Variants in OTOP2 observed in about 807,000 individuals in gnomAD.
OTOP2 encodes proton channel OTOP2.
Under a neutral mutation model 47.4 loss-of-function variants are expected in OTOP2, and 41 were observed. That is an observed-to-expected ratio of 0.87 (90% CI 0.67 to 1.12). The LOEUF (loss-of-function observed/expected upper bound fraction) is 1.12. Ranked by LOEUF, OTOP2 falls within the 50% of genes most tolerant of loss-of-function variation. The probability of loss-of-function intolerance (pLI) is 0.00; values close to 1 mark genes in which losing one functional copy is unlikely to be tolerated. For missense variants in OTOP2, 721 were observed against 752.2 expected, an observed-to-expected ratio of 0.96 and a Z score of 0.49; for synonymous variants, 328 against 319.6, an observed-to-expected ratio of 1.03 and a Z score of -0.28.
In OTOP2 at chr17:74,933,480, C is replaced by T. The variant is rs867883677; in HGVS notation, c.1624C>T (p.Pro542Ser). 1 of 1,614,174 alleles carries T rather than the reference C, an allele frequency of 6.2e-7. No homozygotes were observed. The highest frequency in any genetic ancestry group is 8.5e-7 in the Non-Finnish European group (1 of 1,180,006). ...LWAVIVNICL[P>S]FGIFYRMHAV... ...GGCGGTCATCGTCAACATCTGCCTC[C>T]CTTTCGGCATCTTCTACCGCATGCA... Residue 542 changes from proline (P) to serine (S), a missense_variant, in exon 7 of 7, where the codon CCT becomes TCT. Transcript: ENST00000331427. The surrounding 1 kb of genome is among the most constrained non-coding windows in gnomAD (Gnocchi z 4.7).
chr17:74,925,506 C>A, intron 2 of OTOP2, 50 bp from the exon 3 acceptor site: 1 of 1,601,228 alleles, frequency 6.2e-7, no homozygotes, highest in Non-Finnish European at 8.5e-7. Context: ...CAGGCCTTCT[C>A]TCCTGCCTCT....
chr17:74,925,105 A>G (rs1160579677), intron 2 of OTOP2, among the ~76,000 whole-genome samples, 160 bp downstream of exon 2: 1 of 152,108 alleles, frequency 6.6e-6, no homozygotes, highest in Non-Finnish European at 1.5e-5. Context: ...AGTTAGGGAA[A>G]AAGAGGAAGG....
chr17:74,932,354 CCTAA>C lies in OTOP2; in HGVS notation c.1519-1016_1519-1013del, dbSNP rs547225211. The stretch of plus-strand genomic sequence containing the variant: ...TACCTGCATGAGGTACACCAGTGGC[CCTAA>C]CTAAGAGTCATTCTTAGTGAGGTCC... On this transcript the variant is annotated intron_variant, in intron 6 of 6. Transcript: ENST00000331427. Among the ~76,000 whole-genome samples, 268 of 152,210 alleles carry C rather than the reference CCTAA, an allele frequency of 1.8e-3. 2 individuals carry two copies. Among genetic ancestry groups the C allele is most frequent in the Non-Finnish European group, 2.8e-3 (191 of 67,998 alleles).
chr17:74,927,510 G>T (rs2039019243), intron 4 of OTOP2, 155 bp from the exon 5 acceptor site: 2 of 1,161,834 alleles, frequency 1.7e-6, no homozygotes, highest in African/African-American at 1.5e-5. Flanking sequence ...TCTCTTTGGT[G>T]GCATACCAGC....
Position 74,927,282 on chromosome 17 carries a change from GTGAGAAC to G in OTOP2, c.509+4_509+10del, listed in dbSNP as rs2039016379. ...TTCACGTCCACCTGGATCTGACCTG[GTGAGAAC>G]TGCAGCTCGATGCCTGTACCCAGCG... On this transcript the variant is annotated splice_donor_variant and splice_donor_5th_base_variant and intron_variant, in intron 4 of 6. Coordinates refer to ENST00000331427, the MANE Select transcript of OTOP2 (RefSeq NM_178160.3). LOFTEE classifies it high-confidence loss of function. 1.2e-6 allele frequency: 2 copies of G among 1,612,256 alleles called. No homozygotes were observed. Among genetic ancestry groups the G allele is most frequent in the Non-Finnish European group, 8.5e-7 (1 of 1,178,662 alleles).
At chr17:74,926,563 GAA>G (rs779592267) in intron 3 of OTOP2, among the ~76,000 whole-genome samples, 121 of 134,922 alleles carry the variant, frequency 9.0e-4, no homozygotes, top group African/African-American at 3.1e-3. Flanking sequence ...CTTGCTCCCA[GAA>G]AAAAAAAAAA....
At chr17:74,926,903 A>G (rs1042775251) in intron 3 of OTOP2, among the ~76,000 whole-genome samples, 4 of 151,926 alleles carry the variant, frequency 2.6e-5, no homozygotes, top group African/African-American at 9.7e-5. Flanking sequence ...TTACAGGTGC[A>G]TGCCACCATG....
intron 2 of OTOP2, 111 bp downstream of exon 2, chr17:74,925,056 T>A: frequency 7.6e-7 from 1 of 1,314,716 alleles, no homozygotes; most frequent in African/African-American, 1.5e-5. Context: ...AGAGGCTCCC[T>A]AGGGAGGACC....
At chr17:74,926,695 C>A (rs572313518) in intron 3 of OTOP2, among the ~76,000 whole-genome samples, 2 of 152,118 alleles carry the variant, frequency 1.3e-5, no homozygotes, top group South Asian at 4.1e-4. Context: ...CTATTTTATA[C>A]AAACTGTGTC....
chr17:74,932,936 T>G (rs1008713786), intron 6 of OTOP2, among the ~76,000 whole-genome samples: 14 of 152,034 alleles, frequency 9.2e-5, no homozygotes, highest in Admixed American at 2.0e-4. Flanking sequence ...AGGGCTGGGG[T>G]GGGGTGGCCT....
At chr17:74,925,038 C>T (rs757211894) in intron 2 of OTOP2, 93 bp downstream of exon 2, 4 of 1,396,262 alleles carry the variant, frequency 2.9e-6, no homozygotes, top group African/African-American at 1.4e-5. Flanking sequence ...GATTGACATA[C>T]GAGGGCGAGA....
chr17:74,927,775 G>T lies in OTOP2; in HGVS notation c.620G>T (p.Ser207Ile). 1 of 1,614,108 alleles carries T rather than the reference G, an allele frequency of 6.2e-7. No individual in the cohort carries two copies. The highest frequency in any genetic ancestry group is 8.5e-7 in the Non-Finnish European group (1 of 1,179,986). ...HSYSSSHSNASHARLISDQHA... is the reference protein window; with the variant it reads ...HSYSSSHSNAIHARLISDQHA... ...TACAGCAGTTCTCACAGCAACGCCA[G>T]CCACGCCCGTCTCATCTCTGACCGT... Residue 207 changes from serine to isoleucine, a missense_variant, in exon 5 of 7, where the codon AGC becomes ATC. Physicochemically the swap from Ser to Ile is moderately radical, Grantham distance 142 (BLOSUM62 -2). Coordinates refer to ENST00000331427, the MANE Select transcript of OTOP2 (RefSeq NM_178160.3).
chr17:74,927,006 C>G (rs2039013502), intron 3 of OTOP2, among the ~76,000 whole-genome samples: 2 of 151,988 alleles, frequency 1.3e-5, no homozygotes, highest in Admixed American at 6.5e-5. Context: ...AGCTCTTGAC[C>G]TCAAGTGATC....
rs774943089 is a variant in OTOP2, at chr17:74,931,065, C to A, written c.1430C>A (p.Ala477Glu). The A allele has an allele frequency of 1.1e-5, 18 of 1,614,032 alleles. No individual in the cohort carries two copies. In the South Asian group the frequency reaches 2.0e-4, roughly 18 times the overall value. ...CCCAGCCCTTCAGACCAGCGGGAAG[C>A]AGTGGCCATCGTCTCAACCCCCAGA... ...VSPSPSDQRE[A>E]VAIVSTPRSQ... The change falls in exon 6 of 7, where the codon GCA (alanine) becomes GAA (glutamate). Residue 477 changes from alanine to glutamate, a missense_variant. Ala to Glu is a moderately radical substitution (Grantham distance 107, BLOSUM62 -1). Coordinates refer to ENST00000331427, the MANE Select transcript of OTOP2 (RefSeq NM_178160.3).
rs780424210 is a variant in OTOP2 at position 74,925,635 on chromosome 17, C to T, written c.393C>T (p.Cys131=). 6.2e-7 allele frequency: 1 copy of T among 1,614,150 alleles called. No individual in the cohort carries two copies. Among genetic ancestry groups the T allele is most frequent in the Non-Finnish European group, 8.5e-7 (1 of 1,180,014 alleles). Residue 131 remains cysteine, a synonymous_variant, in exon 3 of 7, where the codon TGC becomes TGT. Coordinates refer to ENST00000331427, the MANE Select transcript of OTOP2 (RefSeq NM_178160.3). The part of the protein sequence containing the change: ...KTGYYSSFFE[C]QSAIKILHPL... ...GCTACTACTCCAGTTTCTTTGAGTG[C>T]CAGTCAGCCATCAAGATCCTGCACC...
At chr17:74,929,781 T>C (rs1026348808) in intron 5 of OTOP2, among the ~76,000 whole-genome samples, 4 of 152,178 alleles carry the variant, frequency 2.6e-5, no homozygotes, top group Non-Finnish European at 5.9e-5. Flanking sequence ...CAGTAGGTGC[T>C]CAAGAAATAT....
chr17:74,927,725 T>C lies in OTOP2; in HGVS notation c.570T>C (p.Asp190=). 1 of 1,614,086 alleles carries C rather than the reference T, an allele frequency of 6.2e-7. No homozygotes were observed. Among genetic ancestry groups the C allele is most frequent in the South Asian group, 1.1e-5 (1 of 91,084 alleles). Residue 190 remains aspartate, a synonymous_variant, in exon 5 of 7, where the codon GAT becomes GAC. Transcript: ENST00000331427. ...NLAIWMAAVV[D]ESVHQSHSYS... Reference sequence around the variant, plus strand: ...CCATCTGGATGGCGGCCGTGGTGGATGAATCTGTGCACCAATCCCACTCCT... The same window carrying C: ...CCATCTGGATGGCGGCCGTGGTGGACGAATCTGTGCACCAATCCCACTCCT...
intron 3 of OTOP2, among the ~76,000 whole-genome samples, chr17:74,926,174 C>T (rs1448977011): frequency 2.0e-5 from 3 of 152,168 alleles, no homozygotes; most frequent in East Asian, 3.9e-4. Flanking sequence ...TCTGATTGAG[C>T]TGAGACAGGA....
rs557988355 is a variant in OTOP2, at chr17:74,924,799, C to T, written c.167C>T (p.Ala56Val). The T allele has an allele frequency of 3.7e-5, 60 of 1,611,584 alleles. No homozygotes were observed. The South Asian group carries it at 6.2e-4, about 17-fold the overall frequency. The part of the protein sequence containing the change: ...LISGGAFNKV[A>V]VYDTDVFALL... Reference sequence around the variant, plus strand: ...AGCGGCGGAGCCTTCAACAAGGTGGCCGTGTACGACACCGACGTGTTCGCG... The same window carrying T: ...AGCGGCGGAGCCTTCAACAAGGTGGTCGTGTACGACACCGACGTGTTCGCG... Residue 56 changes from alanine to valine, a missense_variant, in exon 2 of 7, where the codon GCC becomes GTC. Physicochemically the swap from Ala to Val is moderately conservative, Grantham distance 64. Transcript: ENST00000331427. The surrounding 1 kb of genome is among the most constrained non-coding windows in gnomAD (Gnocchi z 7.7).
Sources: gnomAD v4.1 joint callset for allele counts (sites outside exome capture counted in the v4.1 genomes callset) on GRCh38, gnomAD v4.1.1 for gene constraint, Gnocchi (gnomAD v3.1) non-coding constraint, MANE v1.5 for transcripts, NCBI Gene and HGNC (gene_info 2026-07-23, HGNC 2026-07-21) for gene names.